Variants in CPM observed in about 807,000 individuals in gnomAD.
CPM encodes renal carboxypeptidase.
In CPM, 35 loss-of-function variants were observed where a neutral mutation model predicts 46.4. The observed-to-expected ratio is 0.75, with a 90% CI of 0.58 to 1.00. The LOEUF is 1.00. CPM is among the 50% of genes least tolerant of loss of function. The pLI is 0.00. For synonymous variants in CPM, 195 were observed against 195.3 expected, an observed-to-expected ratio of 1.00 and a Z score of 0.01; for missense variants, 422 against 530.4, an observed-to-expected ratio of 0.80 and a Z score of 2.01.
chr12:68,929,713 T>C (rs996799065), intron 2 of CPM, among the ~76,000 whole-genome samples: 3 of 152,234 alleles, frequency 2.0e-5, no homozygotes, highest in African/African-American at 7.2e-5. Flanking sequence ...TCCCTGTTTA[T>C]AACAGAGTTA....
intron 2 of CPM, among the ~76,000 whole-genome samples, chr12:68,888,257 C>A (rs1329203759): frequency 3.3e-5 from 5 of 152,034 alleles, no homozygotes; most frequent in Non-Finnish European, 7.4e-5. Context: ...ATGACATAAA[C>A]CTGACTTGAT....
intron 7 of CPM, among the ~76,000 whole-genome samples, chr12:68,862,320 C>T (rs191034505): frequency 7.2e-6 from 1 of 138,824 alleles, no homozygotes. Flanking sequence ...CTGCAACTTT[C>T]ATCTCCCGGG....
intron 2 of CPM, among the ~76,000 whole-genome samples, chr12:68,905,189 C>T (rs1446733809): frequency 7.9e-5 from 12 of 151,976 alleles, no homozygotes; most frequent in African/African-American, 1.7e-4. Flanking sequence ...GGATTACAGG[C>T]GTGAACTACC....
chr12:68,902,421 G>C (rs568809916), intron 2 of CPM, among the ~76,000 whole-genome samples: 58 of 152,304 alleles, frequency 3.8e-4, no homozygotes, highest in Non-Finnish European at 6.6e-4. Flanking sequence ...TGGCAATGAT[G>C]CTCTGAGCAG....
intron 8 of CPM, 141 bp downstream of exon 8, chr12:68,858,782 G>A (rs1885084455): frequency 2.5e-6 from 1 of 406,654 alleles, no homozygotes; most frequent in South Asian, 1.2e-4. Context: ...CCTGCCAATT[G>A]CAAGTCTGAC....
chr12:68,893,980 T>C (rs1316875108), intron 2 of CPM, among the ~76,000 whole-genome samples: 2 of 152,148 alleles, frequency 1.3e-5, no homozygotes, highest in African/African-American at 4.8e-5. Flanking sequence ...TGGAGTATGC[T>C]AACCCTGCAA....
downstream of CPM, chr12:68,847,472 G>A (rs1055232339): frequency 9.5e-5 from 1 of 10,540 alleles, no homozygotes; most frequent in Admixed American, 7.5e-4. Context: ...TTTTTTTTTT[G>A]AGACGGAGTC....
At chr12:68,861,850 T>C (rs1195605111) in intron 7 of CPM, among the ~76,000 whole-genome samples, 2 of 135,528 alleles carry the variant, frequency 1.5e-5, no homozygotes, top group South Asian at 2.3e-4. Flanking sequence ...TTCTTTAACA[T>C]TGGAGATAAT....
At chr12:68,914,932 C>A (rs1047692113) in intron 2 of CPM, among the ~76,000 whole-genome samples, 1 of 152,174 alleles carries the variant, frequency 6.6e-6, no homozygotes, top group African/African-American at 2.4e-5. Context: ...AGGGATAATA[C>A]TACCTATTAT....
At chr12:68,842,606 A>T (rs1216555811) in intron 5 of CPM, 2 of 294,540 alleles carry the variant, frequency 6.8e-6, no homozygotes, top group Non-Finnish European at 6.6e-6. Flanking sequence ...ACAGAAGTGA[A>T]ATGTGGACAT....
intron 2 of CPM, among the ~76,000 whole-genome samples, chr12:68,886,430 A>G (rs1453841837): frequency 6.6e-6 from 1 of 152,116 alleles, no homozygotes; most frequent in Non-Finnish European, 1.5e-5. Context: ...CAGGAGATCG[A>G]GACCATCCTG....
chr12:68,869,418 T>C lies in CPM; in HGVS notation c.694A>G (p.Arg232Gly). ...TCTCCTTTCTTCATGTTGGGATTTC[T>C]TGAAGCATAGGTATGTGCAAGATAT... The part of the protein sequence containing the change: ...FQYLAHTYAS[R>G]NPNMKKGDEC... Residue 232 changes from arginine to glycine, a missense_variant, in exon 6 of 9, where the codon AGA (arginine) becomes GGA (glycine). Transcript: ENST00000551568. 6.2e-7 allele frequency: 1 copy of C among 1,614,130 alleles called. No individual in the cohort carries two copies. The highest frequency in any genetic ancestry group is 1.1e-5 in the South Asian group (1 of 91,082).
At chr12:68,903,733 G>C (rs1197102178) in intron 2 of CPM, among the ~76,000 whole-genome samples, 2 of 152,144 alleles carry the variant, frequency 1.3e-5, no homozygotes, top group African/African-American at 2.4e-5. Context: ...GAGTGGGCCA[G>C]GTGCCATATT....
rs1884707299 is a variant in CPM, at chr12:68,851,889, A to AAAG, written c.*4545_*4547dup. On this transcript the variant is annotated 3_prime_UTR_variant, in exon 9 of 9. Transcript: ENST00000551568. ...CCTTCTAAAGTCATGAGGAAAATAT[A>AAAG]AAGGATCTATCATAAAATATACATC... The AAAG allele has an allele frequency of 6.6e-6, 1 of 152,232 alleles. No individual in the cohort carries two copies. Among genetic ancestry groups the AAAG allele is most frequent in the African/African-American group, 2.4e-5 (1 of 41,456 alleles). The allele number at this position is 152,232 out of a possible 1,614,324, so 9.4% of individuals were successfully genotyped here.
intron 4 of CPM, 76 bp downstream of exon 4, chr12:68,871,708 C>A: frequency 6.6e-7 from 1 of 1,512,178 alleles, no homozygotes; most frequent in Admixed American, 1.7e-5. Context: ...TCTCCTCTTG[C>A]CAAGGCCAAC....
intron 1 of CPM, among the ~76,000 whole-genome samples, chr12:68,945,110 C>A (rs1384479937): frequency 1.3e-5 from 2 of 152,118 alleles, no homozygotes; most frequent in African/African-American, 4.8e-5. Flanking sequence ...CCACATGACT[C>A]CTGAGCAGTA....
At chr12:68,898,977 C>T (rs1036302949) in intron 2 of CPM, among the ~76,000 whole-genome samples, 2 of 152,178 alleles carry the variant, frequency 1.3e-5, no homozygotes, top group Non-Finnish European at 2.9e-5. Context: ...TGACAAACTA[C>T]TGGCCCTAGC....
intron 2 of CPM, among the ~76,000 whole-genome samples, chr12:68,911,319 G>A (rs1215698338): frequency 6.6e-6 from 1 of 152,154 alleles, no homozygotes; most frequent in African/African-American, 2.4e-5. Flanking sequence ...GTATGGCCCA[G>A]GTCCCAAAGT....
chr12:68,959,077 C>T (rs1294538790), intron 1 of CPM, among the ~76,000 whole-genome samples: 4 of 152,158 alleles, frequency 2.6e-5, no homozygotes, highest in Non-Finnish European at 4.4e-5. Flanking sequence ...TCTGTCTTAT[C>T]TTCGTCATAC....
Sources: gnomAD v4.1 joint callset for allele counts (sites outside exome capture counted in the v4.1 genomes callset) on GRCh38, gnomAD v4.1.1 for gene constraint, MANE v1.5 for transcripts, NCBI Gene and HGNC (gene_info 2026-07-23, HGNC 2026-07-21) for gene names.